STK3: variants seen among roughly 807,000 people sequenced by gnomAD.
STK3 encodes the protein serine/threonine-protein kinase 3.
A neutral mutation model predicts 58.0 loss-of-function variants in STK3; 41 were observed. That is an observed-to-expected ratio of 0.71 (90% CI 0.55 to 0.92). STK3 has a LOEUF of 0.92. STK3 is among the 40% of genes least tolerant of loss of function. The pLI, the probability that STK3 is intolerant of heterozygous loss-of-function variation, is 0.00. For missense variants in STK3, 479 were observed against 602.7 expected (o/e 0.79, Z 2.15); for synonymous variants, 170 against 191.0 (o/e 0.89, Z 0.91).
Position 98,870,413 on chromosome 8 carries a change from G to A in STK3, c.110+13234C>T, listed in dbSNP as rs190950187. ...TCTAGTTCTACATCCTTCAGAAATCGCCACACTGTCTTCCACAATGGTTGA... is the reference window on the plus strand; with the variant it reads ...TCTAGTTCTACATCCTTCAGAAATCACCACACTGTCTTCCACAATGGTTGA... On this transcript the variant is annotated intron_variant, in intron 3 of 12. Coordinates refer to the STK3 transcript ENST00000523601. 1.8e-3 allele frequency among the ~76,000 whole-genome samples: 280 copies of A among 152,290 alleles called. 3 individuals are homozygous for A. The highest frequency in any genetic ancestry group is 6.4e-3 in the African/African-American group (267 of 41,562).
intron 8 of STK3, among the ~76,000 whole-genome samples, chr8:98,579,105 C>T (rs986018831): frequency 1.3e-5 from 2 of 151,888 alleles, no homozygotes; most frequent in African/African-American, 2.4e-5. Context: ...GAGCCAAGAT[C>T]GTGCCACTGT....
rs1038567245 is a variant in STK3 at position 98,428,858 on chromosome 8, G to A, written n.483+5269C>T. 6.8e-6 allele frequency: 11 copies of A among 1,614,084 alleles called. No individual in the cohort carries two copies. The highest frequency in any genetic ancestry group is 6.7e-5 in the Admixed American group (4 of 60,008). On this transcript the variant is annotated intron_variant and non_coding_transcript_variant, in intron 3 of 3. Coordinates refer to the STK3 transcript ENST00000517832. This position sits in a 1 kb window ranked among gnomAD's most constrained non-coding sequence, Gnocchi z 6.7. The stretch of plus-strand genomic sequence containing the variant: ...CTACTTTAGCCAACTTGGGCAGGGT[G>A]GCCCAGGTCCTGAGGCTGATGCGGA...
At chr8:98,488,816 C>T (rs1822476247) in intron 10 of STK3, among the ~76,000 whole-genome samples, 1 of 152,178 alleles carries the variant, frequency 6.6e-6, no homozygotes, top group Non-Finnish European at 1.5e-5. Flanking sequence ...ATAGAAATAT[C>T]GTTTTAGCCA....
intron 1 of STK3, among the ~76,000 whole-genome samples, chr8:98,807,340 T>C (rs980192397): frequency 3.9e-5 from 6 of 152,016 alleles, no homozygotes; most frequent in African/African-American, 1.2e-4. Context: ...CACTGCAACA[T>C]CTGCCTCCTG....
At chr8:98,534,690 C>T (rs1011620065) in intron 9 of STK3, among the ~76,000 whole-genome samples, 1 of 152,092 alleles carries the variant, frequency 6.6e-6, no homozygotes, top group African/African-American at 2.4e-5. Flanking sequence ...TTTTTAGTAC[C>T]TTTGATTTGT....
chr8:98,715,843 T>C (rs980378094), intron 4 of STK3, among the ~76,000 whole-genome samples: 1 of 152,242 alleles, frequency 6.6e-6, no homozygotes, highest in Non-Finnish European at 1.5e-5. Context: ...GTATGTTTAC[T>C]GTGGCACTAT....
chr8:98,904,725 CT>C, intron 1 of STK3: 1 of 831,206 alleles, frequency 1.2e-6, no homozygotes, highest in Non-Finnish European at 2.0e-6. Context: ...CCGTAGCCCT[CT>C]CCAACTGTGG....
At chr8:98,597,249 T>C (rs1009658469) in intron 6 of STK3, 1 of 983,844 alleles carries the variant, frequency 1.0e-6, no homozygotes, top group African/African-American at 1.7e-5. Context: ...GGTTTCTTAC[T>C]TGGAAAGTGA....
rs1340766612 is a variant in STK3, at chr8:98,740,425, GT to G, written c.351+8850del. ...CAGAAACTCTACAAGCCAGAAGACA[GT>G]GGGGGCCAATATTCAAGATTATTAA... On this transcript the variant is annotated intron_variant, in intron 4 of 10. Coordinates refer to ENST00000419617, the MANE Select transcript of STK3 (RefSeq NM_006281.4). Among the ~76,000 whole-genome samples the G allele has an allele frequency of 7.9e-5, 12 of 152,376 alleles. No homozygotes were observed. In the East Asian group the frequency reaches 2.3e-3, roughly 29 times the overall value.
downstream of STK3, among the ~76,000 whole-genome samples, chr8:98,450,523 C>A (rs925742222): frequency 3.3e-5 from 5 of 152,298 alleles, no homozygotes; most frequent in African/African-American, 1.2e-4. Context: ...GAACCCAGAT[C>A]ATTTAATTTC....
At chr8:98,377,829 T>A (rs943656727) in intron 2 of STK3, among the ~76,000 whole-genome samples, 1 of 152,192 alleles carries the variant, frequency 6.6e-6, no homozygotes, top group African/African-American at 2.4e-5. Flanking sequence ...CACTCCCCTG[T>A]AGTCGAGGCT....
intron 6 of STK3, among the ~76,000 whole-genome samples, chr8:98,700,502 A>T (rs1259870978): frequency 6.6e-6 from 1 of 152,186 alleles, no homozygotes. Flanking sequence ...CTATTCGGCC[A>T]TCTTGGCTGC....
At chr8:98,369,265 G>A (rs1298689756), downstream of STK3, among the ~76,000 whole-genome samples, 3 of 152,170 alleles carry the variant, frequency 2.0e-5, no homozygotes, top group Non-Finnish European at 2.9e-5. Context: ...TTGGGAGTTA[G>A]GACCCTAATT....
At chr8:98,401,033 T>G (rs1044055334), downstream of STK3, among the ~76,000 whole-genome samples, 3 of 152,312 alleles carry the variant, frequency 2.0e-5, no homozygotes, top group East Asian at 3.9e-4. Flanking sequence ...TATAATTGAC[T>G]GTGCAACTTC....
Position 98,574,120 on chromosome 8 carries a change from AACTG to A in STK3, c.948+5540_948+5543del, listed in dbSNP as rs1206721098. Among the ~76,000 whole-genome samples the A allele has an allele frequency of 6.6e-5, 10 of 152,292 alleles. No individual in the cohort carries two copies. In the East Asian group the frequency reaches 1.9e-3, roughly 30 times the overall value. On this transcript the variant is annotated intron_variant, in intron 8 of 10. Coordinates refer to ENST00000419617, the MANE Select transcript of STK3 (RefSeq NM_006281.4). The stretch of plus-strand genomic sequence containing the variant: ...GGTAGGGCCACAGCCAAACCATATC[AACTG>A]TTGGCTATAGGAACCAGAAAAGTAA...
At chr8:98,803,934 A>G (rs1336816824) in intron 1 of STK3, among the ~76,000 whole-genome samples, 1 of 152,190 alleles carries the variant, frequency 6.6e-6, no homozygotes, top group African/African-American at 2.4e-5. Flanking sequence ...TAAATGAAAC[A>G]TAATAATAAA....
chr8:98,767,320 G>A lies in STK3; in HGVS notation c.159C>T (p.Val53=), dbSNP rs1458167919. The A allele has an allele frequency of 1.4e-5, 22 of 1,610,800 alleles. No individual in the cohort carries two copies. Among genetic ancestry groups the A allele is most frequent in the African/African-American group, 8.0e-5 (6 of 74,688 alleles). ...ATTCAACAGGTACTTGTTTAATTGCGACAACTTGACCGGATTCCTTGTGTA... is the reference window on the plus strand; with the variant it reads ...ATTCAACAGGTACTTGTTTAATTGCAACAACTTGACCGGATTCCTTGTGTA... ...KAIHKESGQV[V]AIKQVPVESD... is the part of the protein sequence containing the mutation. Residue 53 remains valine, a synonymous_variant, in exon 3 of 11, where the codon GTC becomes GTT. Transcript: ENST00000419617.
chr8:98,638,250 A>G (rs917889876), intron 6 of STK3, among the ~76,000 whole-genome samples: 1 of 152,188 alleles, frequency 6.6e-6, no homozygotes, highest in Non-Finnish European at 1.5e-5. Flanking sequence ...CTCTTCATTC[A>G]CCATTATTAC....
intron 3 of STK3, among the ~76,000 whole-genome samples, chr8:98,750,327 G>GA (rs1829892285): frequency 6.6e-6 from 1 of 151,308 alleles, no homozygotes; most frequent in Non-Finnish European, 1.5e-5. Context: ...AATAGAAAGG[G>GA]AAAAACCAAG....
Sources: allele counts gnomAD v4.1 joint callset (sites outside exome capture counted in the v4.1 genomes callset), GRCh38; gene constraint gnomAD v4.1.1; non-coding constraint Gnocchi (gnomAD v3.1); transcripts MANE v1.5; gene names NCBI Gene and HGNC (gene_info 2026-07-23, HGNC 2026-07-21).